The following SMG1 variants were observed in gnomAD, a reference collection of about 807,000 sequenced individuals.
The protein encoded by SMG1 is serine/threonine-protein kinase SMG1.
Under a neutral mutation model 419.9 loss-of-function variants are expected in SMG1, and 22 were observed. That is an observed-to-expected ratio of 0.05 (90% CI 0.04 to 0.07). The LOEUF (loss-of-function observed/expected upper bound fraction) is 0.07, where lower values mean the gene tolerates loss of function less well. SMG1 is among the 10% of genes least tolerant of loss of function. The pLI, the probability that SMG1 is intolerant of heterozygous loss-of-function variation, is 1.00. For missense variants in SMG1, 3,185 were observed against 4,342.0 expected, an observed-to-expected ratio of 0.73 and a Z score of 7.49; for synonymous variants, 1,538 against 1,553.5, an observed-to-expected ratio of 0.99 and a Z score of 0.23.
At chr16:18,883,127 C>G (rs4309378) in intron 9 of SMG1, among the ~76,000 whole-genome samples, 48,893 of 151,884 alleles carry the variant, frequency 0.32, 8,393 homozygotes, top group Non-Finnish European at 0.39. Flanking sequence ...CTACAAGCAG[C>G]AAAGATGAAA....
intron 1 of SMG1, among the ~76,000 whole-genome samples, chr16:18,907,845 CAAAAAAAAAAAAA>C (rs71141092): frequency 7.3e-5 from 4 of 54,972 alleles, no homozygotes; most frequent in Admixed American, 2.8e-4. Flanking sequence ...GAACGAGACT[CAAAAAAAAAAAAA>C]AAAAAAAAAA....
At position 18,806,603 on chromosome 16, in the gene SMG1, A is replaced by C. The variant is rs2030857843; in HGVS notation, c.*2966T>G. The stretch of plus-strand genomic sequence containing the variant: ...AGCTCTGTAGAGAAATCAACTAAAA[A>C]TTAGGCAATTCTAGTAAATTAAAGA... On this transcript the variant is annotated 3_prime_UTR_variant, in exon 63 of 63. Coordinates refer to ENST00000446231, the MANE Select transcript of SMG1 (RefSeq NM_015092.5). The C allele has an allele frequency of 1.3e-5, 2 of 152,256 alleles. No homozygotes were observed. The highest frequency in any genetic ancestry group is 6.5e-5 in the Admixed American group (1 of 15,286). The allele number at this position is 152,256 out of a possible 1,614,324, so 9.4% of individuals were successfully genotyped here. A position where few individuals can be genotyped will look rare whatever the true frequency, so the allele number is the denominator to read the frequency against.
chr16:18,816,422 C>G lies in SMG1; in HGVS notation c.10182G>C (p.Glu3394Asp), dbSNP rs752866939. ...TTTCACAGACCGTTTCTATCTGCTGCTCTTTCTCTGTCTGAATTGCCCTCT... is the reference window on the plus strand; with the variant it reads ...TTTCACAGACCGTTTCTATCTGCTGGTCTTTCTCTGTCTGAATTGCCCTCT... ...STQRAIQTEKEQQIETVCETI... is the reference protein window; with the variant it reads ...STQRAIQTEKDQQIETVCETI... Residue 3394 changes from glutamate (E) to aspartate (D), a missense_variant, in exon 58 of 63, where the codon GAG becomes GAC. Glu to Asp is a conservative substitution (Grantham distance 45). Transcript: ENST00000446231. The G allele has an allele frequency of 1.2e-6, 2 of 1,613,936 alleles. No homozygotes were observed. The highest frequency in any genetic ancestry group is 1.7e-6 in the Non-Finnish European group (2 of 1,179,854).
At chr16:18,874,872 A>C (rs1381712523) in intron 13 of SMG1, among the ~76,000 whole-genome samples, 1 of 37,478 alleles carries the variant, frequency 2.7e-5, no homozygotes, top group Non-Finnish European at 4.7e-5. Context: ...GTCTCAAAAA[A>C]AAAAAAAAAA....
Position 18,838,246 on chromosome 16 carries a change from A to G in SMG1, c.7195-14T>C. Reference sequence around the variant, plus strand: ...AATGTGTAAAACCTGTTTTCAGGAGAGTTTTTAAAATAAGGTCTGCCACAA... The same window carrying G: ...AATGTGTAAAACCTGTTTTCAGGAGGGTTTTTAAAATAAGGTCTGCCACAA... On this transcript the variant is annotated splice_polypyrimidine_tract_variant and intron_variant, in intron 44 of 62. Coordinates refer to ENST00000446231, the MANE Select transcript of SMG1 (RefSeq NM_015092.5). 6.2e-7 allele frequency: 1 copy of G among 1,609,080 alleles called. No individual in the cohort carries two copies. Among genetic ancestry groups the G allele is most frequent in the South Asian group, 1.1e-5 (1 of 90,698 alleles).
chr16:18,848,062 T>C (rs1016415087), intron 36 of SMG1, 29 bp from the exon 37 acceptor site: 3 of 1,576,638 alleles, frequency 1.9e-6, no homozygotes, highest in Admixed American at 1.7e-5. Flanking sequence ...ACAAGGAATA[T>C]TTTGAACATT....
At chr16:18,904,138 C>T (rs1286368249) in intron 1 of SMG1, among the ~76,000 whole-genome samples, 2 of 149,938 alleles carry the variant, frequency 1.3e-5, no homozygotes, top group East Asian at 2.0e-4. Flanking sequence ...GGGGTTTCAC[C>T]ATGTTAGCCA....
chr16:18,834,452 A>C lies in SMG1; in HGVS notation c.8331-14T>G. 6.2e-7 allele frequency: 1 copy of C among 1,606,486 alleles called. No individual in the cohort carries two copies. The highest frequency in any genetic ancestry group is 8.5e-7 in the Non-Finnish European group (1 of 1,175,434). Reference sequence around the variant, plus strand: ...ATCAGGTTACGCCTACAAGAGATAAATATCTGTACAGTGAAACTTAAATGT... The same window carrying C: ...ATCAGGTTACGCCTACAAGAGATAACTATCTGTACAGTGAAACTTAAATGT... On this transcript the variant is annotated splice_polypyrimidine_tract_variant and intron_variant, in intron 49 of 62. Coordinates refer to ENST00000446231, the MANE Select transcript of SMG1 (RefSeq NM_015092.5).
chr16:18,875,456 T>C (rs558044219), intron 13 of SMG1: 3 of 152,542 alleles, frequency 2.0e-5, no homozygotes, highest in African/African-American at 4.8e-5. Context: ...CCAGGCATGG[T>C]GGTGCATGCC....
In SMG1 at chr16:18,882,173, C is replaced by T; in HGVS notation, c.1285G>A (p.Val429Ile). 6.3e-7 allele frequency: 1 copy of T among 1,578,870 alleles called. No homozygotes were observed. The highest frequency in any genetic ancestry group is 8.6e-7 in the Non-Finnish European group (1 of 1,164,714). The change falls in exon 10 of 63, where the codon GTA becomes ATA. Residue 429 changes from valine to isoleucine, a missense_variant. Val to Ile is a conservative substitution (Grantham distance 29). This residue lies in a region of SMG1 where 52 missense variants were observed against 69.0 expected (regional missense o/e 0.75). Transcript: ENST00000446231. ...TGCCCAAAAGCACTTACATCTGTTA[C>T]ATATGCCTCAGTAATTGGAGGACCC... ...IRGPPITEAYVTDVLYRVMRC... is the reference protein window; with the variant it reads ...IRGPPITEAYITDVLYRVMRC...
chr16:18,806,210 C>A lies in SMG1; in HGVS notation c.*3359G>T, dbSNP rs1189031895. On this transcript the variant is annotated 3_prime_UTR_variant, in exon 63 of 63. Coordinates refer to ENST00000446231, the MANE Select transcript of SMG1 (RefSeq NM_015092.5). Reference sequence around the variant, plus strand: ...GTCAGAACAACCACAATTAAAAAAACAAAAAACAATGCAGATAACACCAAA... The same window carrying A: ...GTCAGAACAACCACAATTAAAAAAAAAAAAAACAATGCAGATAACACCAAA... 6 of 152,342 alleles carry A rather than the reference C, an allele frequency of 3.9e-5. No homozygotes were observed. The highest frequency in any genetic ancestry group is 1.5e-4 in the African/African-American group (6 of 41,344). 9.4% of individuals were successfully genotyped at this position (152,342 alleles called of 1,614,324 possible).
chr16:18,857,193 A>G (rs976568813), intron 29 of SMG1: 4 of 152,232 alleles, frequency 2.6e-5, no homozygotes, highest in African/African-American at 9.7e-5. Flanking sequence ...GTTAGCTTAC[A>G]TTGACATTTA....
Position 18,885,678 on chromosome 16 carries a change from A to G in SMG1, c.823-12T>C. On this transcript the variant is annotated splice_polypyrimidine_tract_variant and intron_variant, in intron 6 of 62. Coordinates refer to ENST00000446231, the MANE Select transcript of SMG1 (RefSeq NM_015092.5). ...CTGGTCATTACAAGCTTAAAAATAA[A>G]AAGTTACAAACCGTGAACATTCAAC... is the stretch of plus-strand genomic sequence containing the variant. 6.3e-7 allele frequency: 1 copy of G among 1,595,920 alleles called. No individual in the cohort carries two copies. Among genetic ancestry groups the G allele is most frequent in the Non-Finnish European group, 8.5e-7 (1 of 1,179,378 alleles).
At position 18,866,639 on chromosome 16, in the gene SMG1, G is replaced by C. The variant is rs757619416; in HGVS notation, c.3332C>G (p.Ala1111Gly). Residue 1111 changes from alanine to glycine, a missense_variant, in exon 23 of 63, where the codon GCT becomes GGT. By Grantham distance (60) the Ala-to-Gly change is moderately conservative (BLOSUM62 0). This residue lies in a region of SMG1 where 121 missense variants were observed against 125.4 expected (regional missense o/e 0.96). Transcript: ENST00000446231. ...AACCTACCTCCCTTCAGCCTGTTGA[G>C]CCACTGAGTTAATCCACAGAAGATT... ...GKNLLWINSV[A>G]QQAEGRFEKA... 31 of 1,592,660 alleles carry C rather than the reference G, an allele frequency of 1.9e-5. No homozygotes were observed. In the East Asian group the frequency reaches 6.9e-4, roughly 36 times the overall value.
At chr16:18,856,018 T>C (rs1216762851) in intron 29 of SMG1, among the ~76,000 whole-genome samples, 4 of 148,534 alleles carry the variant, frequency 2.7e-5, no homozygotes, top group African/African-American at 7.5e-5. Flanking sequence ...TAAGAATCAT[T>C]ATTTTCTCTG....
chr16:18,828,256 G>T, intron 54 of SMG1, 88 bp from the exon 55 acceptor site: 1 of 1,334,370 alleles, frequency 7.5e-7, no homozygotes, highest in Non-Finnish European at 1.0e-6. Flanking sequence ...TAGGACTGGC[G>T]GAAGAGAAAA....
chr16:18,918,521 T>G (rs1316935048), intron 1 of SMG1, among the ~76,000 whole-genome samples: 1 of 152,140 alleles, frequency 6.6e-6, no homozygotes, highest in Non-Finnish European at 1.5e-5. Context: ...CATACTTAAC[T>G]GTATAGCTTT....
intron 31 of SMG1, 145 bp downstream of exon 31, chr16:18,853,438 G>T: frequency 1.3e-6 from 1 of 766,720 alleles, no homozygotes; most frequent in Non-Finnish European, 2.0e-6. Context: ...ATATGTTTTA[G>T]TTATTTCCCA....
At position 18,837,430 on chromosome 16, in the gene SMG1, T is replaced by G. The variant is rs1168389589; in HGVS notation, c.7427A>C (p.Lys2476Thr). The change falls in exon 46 of 63, where the codon AAG becomes ACG. Residue 2476 changes from lysine (K) to threonine (T), a missense_variant. This residue lies in a region of SMG1 where 412 missense variants were observed against 546.6 expected (regional missense o/e 0.75). Coordinates refer to ENST00000446231, the MANE Select transcript of SMG1 (RefSeq NM_015092.5). ...RVAEIKVNWF[K>T]NRDEMLVVLP... ...CACAACCAGCATCTCATCTCTATTC[T>G]TAAACCAGTTCACCTGTAAAAAGAT... The G allele has an allele frequency of 6.2e-7, 1 of 1,612,840 alleles. No homozygotes were observed. The highest frequency in any genetic ancestry group is 8.5e-7 in the Non-Finnish European group (1 of 1,179,414).
Sources: gnomAD v4.1 joint callset for allele counts (sites outside exome capture counted in the v4.1 genomes callset) on GRCh38, gnomAD v4.1.1 for gene constraint, gnomAD v4.1.1 regional missense constraint, MANE v1.5 for transcripts, NCBI Gene and HGNC (gene_info 2026-07-23, HGNC 2026-07-21) for gene names.